The following MSH4 variants were observed in gnomAD, a reference collection of about 807,000 sequenced individuals.
MSH4 encodes the protein mutS protein homolog 4.
Under a neutral mutation model 113.7 loss-of-function variants are expected in MSH4, and 106 were observed. That is an observed-to-expected ratio of 0.93 (90% CI 0.80 to 1.10). The LOEUF is 1.10. Ranked by LOEUF, MSH4 falls within the 50% of genes least tolerant of loss-of-function variation. The pLI, the probability that MSH4 is intolerant of heterozygous loss-of-function variation, is 0.00. For missense variants in MSH4, 1,061 were observed against 1,093.7 expected (o/e 0.97, Z 0.42); for synonymous variants, 368 against 380.2 (o/e 0.97, Z 0.37).
At chr1:75,839,739 A>G (rs969125605) in intron 7 of MSH4, among the ~76,000 whole-genome samples, 1 of 149,130 alleles carries the variant, frequency 6.7e-6, no homozygotes, top group Non-Finnish European at 1.5e-5. Flanking sequence ...GCAACCTACA[A>G]AATGGGAGAA....
At chr1:75,827,791 C>A (rs1435521535) in intron 7 of MSH4, among the ~76,000 whole-genome samples, 3 of 151,780 alleles carry the variant, frequency 2.0e-5, no homozygotes, top group African/African-American at 7.3e-5. Context: ...GGGATCAATA[C>A]AACAAGAAGA....
At chr1:75,804,403 AT>A (rs1025264143) in intron 2 of MSH4, among the ~76,000 whole-genome samples, 97 of 151,390 alleles carry the variant, frequency 6.4e-4, no homozygotes, top group African/African-American at 2.2e-3. Flanking sequence ...ATGACAAATT[AT>A]TTTTTAAAGT....
rs775299862 is a variant in MSH4 at position 75,848,250 on chromosome 1, T to C, written c.1204T>C (p.Leu402=). The C allele has an allele frequency of 2.5e-6, 4 of 1,608,498 alleles. No homozygotes were observed. Among genetic ancestry groups the C allele is most frequent in the East Asian group, 2.2e-5 (1 of 44,724 alleles). Residue 402 remains leucine (L), a synonymous_variant, in exon 8 of 20, where the codon TTA becomes CTA. Coordinates refer to ENST00000263187, the MANE Select transcript of MSH4 (RefSeq NM_002440.4). The part of the protein sequence containing the change: ...FLDTEQLLSV[L]VQIPKQDTVN... ...TGATACAGAGCAGCTTCTTTCTGTT[T>C]TAGTCCAAATTCCAAAGCAAGACAC...
intron 8 of MSH4, among the ~76,000 whole-genome samples, chr1:75,862,173 T>C (rs879323827): frequency 6.6e-6 from 1 of 152,060 alleles, no homozygotes; most frequent in Admixed American, 6.6e-5. Context: ...AGAGTGCTCC[T>C]CCAGGTACAG....
chr1:75,889,391 T>C (rs1652201277), intron 16 of MSH4, 22 bp downstream of exon 16: 4 of 1,102,488 alleles, frequency 3.6e-6, no homozygotes, highest in Non-Finnish European at 5.3e-6. Context: ...AAACTTTTCT[T>C]ATGTTAAAAA....
At chr1:75,906,205 G>A (rs1216363206) in intron 19 of MSH4, among the ~76,000 whole-genome samples, 1 of 150,620 alleles carries the variant, frequency 6.6e-6, no homozygotes, top group Admixed American at 6.7e-5. Context: ...TGTCCATGCT[G>A]GTCTTGAACT....
intron 1 of MSH4, among the ~76,000 whole-genome samples, chr1:75,802,040 G>C (rs1405137331): frequency 6.6e-6 from 1 of 151,698 alleles, no homozygotes; most frequent in Non-Finnish European, 1.5e-5. Flanking sequence ...ATGGTGGCAT[G>C]AGCCTATAGT....
intron 6 of MSH4, among the ~76,000 whole-genome samples, chr1:75,819,012 C>T (rs995492689): frequency 5.3e-5 from 8 of 152,176 alleles, no homozygotes; most frequent in Middle Eastern, 3.4e-3. Context: ...ATGATCCACC[C>T]GCCTCGGCCT....
At chr1:75,841,518 G>T (rs1164101445) in intron 7 of MSH4, among the ~76,000 whole-genome samples, 2 of 152,086 alleles carry the variant, frequency 1.3e-5, no homozygotes, top group Non-Finnish European at 2.9e-5. Flanking sequence ...TGATATAAAA[G>T]AGCTTGCTGT....
chr1:75,852,001 A>C (rs974355493), intron 8 of MSH4, among the ~76,000 whole-genome samples: 8 of 152,158 alleles, frequency 5.3e-5, no homozygotes, highest in Non-Finnish European at 8.8e-5. Context: ...CCCAGAAGCA[A>C]TCCTGCAACC....
At chr1:75,817,456 T>C (rs1650318201) in intron 6 of MSH4, among the ~76,000 whole-genome samples, 1 of 152,200 alleles carries the variant, frequency 6.6e-6, no homozygotes, top group South Asian at 2.1e-4. Flanking sequence ...ACAAAGTGTT[T>C]TATATTCAGT....
chr1:75,904,416 G>T (rs1235631794), intron 19 of MSH4, among the ~76,000 whole-genome samples: 1 of 152,060 alleles, frequency 6.6e-6, no homozygotes, highest in Non-Finnish European at 1.5e-5. Flanking sequence ...GTAATTAATT[G>T]AAATAATTTG....
intron 7 of MSH4, among the ~76,000 whole-genome samples, chr1:75,822,810 T>TG (rs967468027): frequency 2.1e-4 from 29 of 139,228 alleles, no homozygotes; most frequent in African/African-American, 6.7e-4. Context: ...CATTTTTTTC[T>TG]GTTTTTTTTT....
At chr1:75,877,686 G>A (rs796344393) in intron 10 of MSH4, among the ~76,000 whole-genome samples, 8 of 152,214 alleles carry the variant, frequency 5.3e-5, no homozygotes, top group African/African-American at 1.7e-4. Flanking sequence ...TTCCTGTTAC[G>A]CTGTCTACAT....
intron 9 of MSH4, among the ~76,000 whole-genome samples, chr1:75,873,609 G>T (rs1351036042): frequency 6.6e-6 from 1 of 151,778 alleles, no homozygotes; most frequent in Admixed American, 6.6e-5. Flanking sequence ...TCCTGTCTTT[G>T]TGTCCATGAG....
intron 13 of MSH4, 73 bp downstream of exon 13, chr1:75,880,226 T>A: frequency 1.3e-6 from 1 of 775,660 alleles, no homozygotes; most frequent in Non-Finnish European, 2.1e-6. Context: ...ATTGTATTAG[T>A]TTAATTTTTA....
At chr1:75,826,225 C>T (rs535795309) in intron 7 of MSH4, among the ~76,000 whole-genome samples, 3 of 152,278 alleles carry the variant, frequency 2.0e-5, no homozygotes, top group East Asian at 3.9e-4. Context: ...TTATCCATTT[C>T]TTCTAGATTT....
chr1:75,821,923 C>T (rs1650423337), intron 6 of MSH4, among the ~76,000 whole-genome samples: 1 of 152,090 alleles, frequency 6.6e-6, no homozygotes, highest in Non-Finnish European at 1.5e-5. Context: ...AAATGTAGAA[C>T]CTCATGCTTT....
chr1:75,883,797 C>G lies in MSH4; in HGVS notation c.2083C>G (p.Leu695Val), dbSNP rs770014239. 4 of 1,612,596 alleles carry G rather than the reference C, an allele frequency of 2.5e-6. No homozygotes were observed. The highest frequency in any genetic ancestry group is 4.5e-5 in the East Asian group (2 of 44,724). ...GKSTYLKQIA[L>V]CQIMAQIGSY... ...ATCCACATATTTAAAACAGATTGCTCTTTGTCAGATTATGGCCCAGATTGG... is the reference window on the plus strand; with the variant it reads ...ATCCACATATTTAAAACAGATTGCTGTTTGTCAGATTATGGCCCAGATTGG... Residue 695 changes from leucine (L) to valine (V), a missense_variant, in exon 15 of 20, where the codon CTT (leucine) becomes GTT (valine). Physicochemically the swap from Leu to Val is conservative, Grantham distance 32 (BLOSUM62 1). Coordinates refer to ENST00000263187, the MANE Select transcript of MSH4 (RefSeq NM_002440.4).
Sources: gnomAD v4.1 joint callset for allele counts (sites outside exome capture counted in the v4.1 genomes callset) on GRCh38, gnomAD v4.1.1 for gene constraint, MANE v1.5 for transcripts, NCBI Gene and HGNC (gene_info 2026-07-23, HGNC 2026-07-21) for gene names.